SULT1C3: variants seen among roughly 807,000 people sequenced by gnomAD.
SULT1C3 encodes the protein sulfotransferase family 1C member 3, also known as sulfotransferase 1C3.
A neutral mutation model predicts 28.4 loss-of-function variants in SULT1C3; 31 were observed. The ratio of observed to expected loss-of-function variants is 1.09; its 90% confidence interval spans 0.82 to 1.47. SULT1C3 has a LOEUF of 1.47. Ranked by LOEUF, SULT1C3 falls within the 40% of genes most tolerant of loss-of-function variation. The pLI is 0.00. For synonymous variants in SULT1C3, 106 were observed against 92.2 expected, an observed-to-expected ratio of 1.15 and a Z score of -0.86; for missense variants, 307 against 272.5, an observed-to-expected ratio of 1.13 and a Z score of -0.89.
intron 1 of SULT1C3, among the ~76,000 whole-genome samples, chr2:108,242,925 C>A (rs771317411): frequency 1.4e-4 from 21 of 152,120 alleles, no homozygotes; most frequent in Non-Finnish European, 1.9e-4. Flanking sequence ...TCCAGAAAAA[C>A]TTTTAAATAT....
chr2:108,252,431 G>C lies in SULT1C3; in HGVS notation c.239G>C (p.Arg80Thr). The change falls in exon 3 of 8, where the codon AGA (arginine) becomes ACA (threonine). Residue 80 changes from arginine to threonine, a missense_variant. Arg to Thr is a moderately conservative substitution (Grantham distance 71). Transcript: ENST00000681802. Reference protein sequence around the residue: ...LNDGDVEKCKRAQTLDRHAFL... With the variant: ...LNDGDVEKCKTAQTLDRHAFL... ...GATGGTGATGTGGAGAAATGCAAAA[G>C]AGCCCAGACTCTAGATAGACACGCT... is the stretch of plus-strand genomic sequence containing the variant. The C allele has an allele frequency of 6.2e-7, 1 of 1,612,404 alleles. No homozygotes were observed. The highest frequency in any genetic ancestry group is 8.5e-7 in the Non-Finnish European group (1 of 1,179,074).
chr2:108,249,314 TA>T (rs912128278), intron 2 of SULT1C3, among the ~76,000 whole-genome samples: 2 of 152,026 alleles, frequency 1.3e-5, no homozygotes, highest in African/African-American at 4.8e-5. Context: ...AAAATATTAC[TA>T]AAAATAAAGG....
At chr2:108,243,521 C>CCT (rs1675510331) in intron 1 of SULT1C3, among the ~76,000 whole-genome samples, 1 of 151,572 alleles carries the variant, frequency 6.6e-6, no homozygotes, top group Non-Finnish European at 1.5e-5. Flanking sequence ...GTCCCAGCTA[C>CCT]TTGGGAGGCT....
chr2:108,253,499 T>C (rs537737380), intron 4 of SULT1C3, 57 bp downstream of exon 4: 86 of 880,216 alleles, frequency 9.8e-5, no homozygotes, highest in Non-Finnish European at 1.2e-4. Flanking sequence ...ACTATACAAC[T>C]GAAGATATCT....
chr2:108,254,723 A>G (rs1343672737), intron 4 of SULT1C3, among the ~76,000 whole-genome samples: 3 of 142,690 alleles, frequency 2.1e-5, no homozygotes, highest in African/African-American at 5.5e-5. Flanking sequence ...GTATGTATAT[A>G]TATGTATATA....
intron 2 of SULT1C3, among the ~76,000 whole-genome samples, chr2:108,251,824 A>G (rs1297113343): frequency 6.6e-6 from 1 of 152,092 alleles, no homozygotes; most frequent in Admixed American, 6.6e-5. Flanking sequence ...AAAAGTGATT[A>G]ATAACATTAT....
chr2:108,252,326 A>C (rs372142578), intron 2 of SULT1C3, 39 bp from the exon 3 acceptor site: 324 of 1,563,382 alleles, frequency 2.1e-4, no homozygotes, highest in Non-Finnish European at 2.5e-4. Flanking sequence ...ATGAAAGTTC[A>C]ATTGACTAAA....
intron 5 of SULT1C3, among the ~76,000 whole-genome samples, chr2:108,258,147 G>T (rs1173679092): frequency 6.6e-6 from 1 of 152,060 alleles, no homozygotes; most frequent in African/African-American, 2.4e-5. Context: ...AAACCAGGAA[G>T]CTGCCAGAAG....
intron 5 of SULT1C3, among the ~76,000 whole-genome samples, 169 bp downstream of exon 5, chr2:108,255,867 G>A (rs538551085): frequency 6.6e-6 from 1 of 152,166 alleles, no homozygotes; most frequent in East Asian, 1.9e-4. Flanking sequence ...CCAAAATTGA[G>A]TACAAATGTA....
intron 7 of SULT1C3, among the ~76,000 whole-genome samples, chr2:108,259,569 C>G (rs1006205371): frequency 6.6e-6 from 1 of 152,038 alleles, no homozygotes; most frequent in Non-Finnish European, 1.5e-5. Context: ...AGTTCAAAAC[C>G]CTAGCTAAGC....
At chr2:108,261,908 T>C (rs993374742), downstream of SULT1C3, among the ~76,000 whole-genome samples, 1 of 151,968 alleles carries the variant, frequency 6.6e-6, no homozygotes, top group Non-Finnish European at 1.5e-5. Flanking sequence ...AAATAGATGA[T>C]GAGATTTTAA....
At chr2:108,259,200 T>C (rs1675958459) in intron 7 of SULT1C3, 54 bp downstream of exon 7, 1 of 255,046 alleles carries the variant, frequency 3.9e-6, no homozygotes, top group South Asian at 5.8e-5. Context: ...CTACCCTATA[T>C]GCTAAAATAA....
At chr2:108,264,312 T>A (rs1573229763), downstream of SULT1C3, among the ~76,000 whole-genome samples, 1 of 152,200 alleles carries the variant, frequency 6.6e-6, no homozygotes, top group Admixed American at 6.6e-5. Context: ...ATCCAAGAAA[T>A]AAGGATCTAT....
rs1188005407 is a variant in SULT1C3 at position 108,255,577 on chromosome 2, CTA to C, written c.407_408del (p.Tyr136CysfsTer24). 2 of 1,611,054 alleles carry C rather than the reference CTA, an allele frequency of 1.2e-6. No homozygotes were observed. ...TTCCCTCTCCTTGATTTCAGATTGT[CTA>C]TGTGGCCAGAAATCCCAAGGATTGC... ...SIWKENCKIVYVARNPKDCLV... is the reference protein window; with the variant it reads ...SIWKENCKIVXVARNPKDCLV... On this transcript the variant is annotated frameshift_variant, in exon 5 of 8. Coordinates refer to ENST00000681802, the MANE Select transcript of SULT1C3 (RefSeq NM_001320878.2). LOFTEE classifies it high-confidence loss of function.
chr2:108,261,018 A>G (rs17035948), downstream of SULT1C3, among the ~76,000 whole-genome samples: 18,030 of 152,152 alleles, frequency 0.12, 1,488 homozygotes, highest in African/African-American at 0.23. Flanking sequence ...TAGATTTCAC[A>G]AGAAAATTAT....
intron 4 of SULT1C3, among the ~76,000 whole-genome samples, chr2:108,255,340 T>C (rs1256139165): frequency 6.6e-6 from 1 of 152,018 alleles, no homozygotes; most frequent in African/African-American, 2.4e-5. Context: ...GAAGAGTGGT[T>C]CCTCATAACC....
intron 3 of SULT1C3, among the ~76,000 whole-genome samples, chr2:108,253,083 CA>C (rs1329407512): frequency 6.6e-6 from 1 of 151,890 alleles, no homozygotes; most frequent in African/African-American, 2.4e-5. Flanking sequence ...AGATATATAA[CA>C]AACATTCCCA....
At chr2:108,253,819 T>C (rs1263297826) in intron 4 of SULT1C3, among the ~76,000 whole-genome samples, 1 of 151,970 alleles carries the variant, frequency 6.6e-6, no homozygotes, top group Non-Finnish European at 1.5e-5. Context: ...GAAGCAGAGG[T>C]ATAGAATCTG....
downstream of SULT1C3, among the ~76,000 whole-genome samples, chr2:108,263,437 T>C (rs1676067384): frequency 6.6e-6 from 1 of 152,192 alleles, no homozygotes; most frequent in South Asian, 2.1e-4. Context: ...CAATCCCCAC[T>C]GTCAATTTGT....
Sources: gnomAD v4.1 joint callset for allele counts (sites outside exome capture counted in the v4.1 genomes callset) on GRCh38, gnomAD v4.1.1 for gene constraint, MANE v1.5 for transcripts, NCBI Gene and HGNC (gene_info 2026-07-23, HGNC 2026-07-21) for gene names.